TBC1D32: variants seen among roughly 807,000 people sequenced by gnomAD.
The protein encoded by TBC1D32 is protein broad-minded.
A neutral mutation model predicts 170.3 loss-of-function variants in TBC1D32; 151 were observed. That is an observed-to-expected ratio of 0.89 (90% CI 0.78 to 1.01). The LOEUF is 1.01. TBC1D32 is among the 50% of genes least tolerant of loss of function. The probability of loss-of-function intolerance (pLI) is 0.00; values close to 1 mark genes in which losing one functional copy is unlikely to be tolerated. For missense variants in TBC1D32, 1,464 were observed against 1,457.1 expected, an observed-to-expected ratio of 1.00 and a Z score of -0.08; for synonymous variants, 498 against 488.0, an observed-to-expected ratio of 1.02 and a Z score of -0.27.
At chr6:121,201,530 TAC>T (rs1791559841) in intron 22 of TBC1D32, among the ~76,000 whole-genome samples, 2 of 151,426 alleles carry the variant, frequency 1.3e-5, no homozygotes, top group African/African-American at 4.9e-5. Flanking sequence ...TGAAATGTTT[TAC>T]ACAATGTTTT....
intron 30 of TBC1D32, among the ~76,000 whole-genome samples, chr6:121,102,605 C>A (rs1778242350): frequency 6.6e-6 from 1 of 152,144 alleles, no homozygotes; most frequent in Non-Finnish European, 1.5e-5. Context: ...GGATTAAAGA[C>A]TTAAATGTTA....
chr6:121,080,985 A>G, intron 31 of TBC1D32, 95 bp from the exon 32 acceptor site: 1 of 1,452,576 alleles, frequency 6.9e-7, no homozygotes, highest in Non-Finnish European at 9.3e-7. Flanking sequence ...ATTTATTTTC[A>G]GCTATAGATG....
At chr6:121,159,797 T>C (rs998224246) in intron 24 of TBC1D32, among the ~76,000 whole-genome samples, 1 of 152,192 alleles carries the variant, frequency 6.6e-6, no homozygotes, top group East Asian at 1.9e-4. Flanking sequence ...CTTTGTATAC[T>C]TGGTCCATCA....
At chr6:121,197,361 C>T (rs935454593) in intron 22 of TBC1D32, among the ~76,000 whole-genome samples, 6 of 152,140 alleles carry the variant, frequency 3.9e-5, no homozygotes, top group African/African-American at 1.4e-4. Flanking sequence ...TCCTGAGGTA[C>T]TGAAGGCAAA....
intron 22 of TBC1D32, among the ~76,000 whole-genome samples, chr6:121,192,750 A>T (rs1329073936): frequency 1.3e-5 from 2 of 152,204 alleles, no homozygotes; most frequent in African/African-American, 4.8e-5. Context: ...TTGTAAACTC[A>T]GATGAAACTT....
intron 20 of TBC1D32, among the ~76,000 whole-genome samples, chr6:121,236,654 A>T (rs908598738): frequency 2.6e-5 from 4 of 152,102 alleles, no homozygotes; most frequent in African/African-American, 9.7e-5. Context: ...AAAAATCCTT[A>T]GTTTATACTG....
chr6:121,241,416 C>T (rs1279831788), intron 19 of TBC1D32, 49 bp downstream of exon 19: 1 of 1,495,892 alleles, frequency 6.7e-7, no homozygotes, highest in Non-Finnish European at 9.1e-7. Flanking sequence ...TTGGCTTGCT[C>T]ATTTTATCTT....
chr6:121,116,540 T>C (rs1244939065), intron 26 of TBC1D32, among the ~76,000 whole-genome samples: 1 of 152,198 alleles, frequency 6.6e-6, no homozygotes, highest in Non-Finnish European at 1.5e-5. Context: ...ACTAATGTTT[T>C]TTCTCTTCTG....
chr6:121,247,709 A>AC, intron 17 of TBC1D32, among the ~76,000 whole-genome samples: 1 of 149,170 alleles, frequency 6.7e-6, no homozygotes, highest in East Asian at 1.9e-4. Context: ...AAAAAAAAAA[A>AC]AAAAAAAAAG....
chr6:121,159,263 T>A (rs748041664), intron 24 of TBC1D32, among the ~76,000 whole-genome samples: 1 of 152,244 alleles, frequency 6.6e-6, no homozygotes, highest in Non-Finnish European at 1.5e-5. Flanking sequence ...TAAGAGTTCA[T>A]GACTCCACAA....
At chr6:121,279,288 G>C (rs764611736) in intron 14 of TBC1D32, 43 bp from the exon 15 acceptor site, 1 of 1,588,772 alleles carries the variant, frequency 6.3e-7, no homozygotes, top group Admixed American at 1.9e-5. Context: ...ATAATTTTAT[G>C]ACATGCTAAC....
chr6:121,254,407 C>A (rs1031321364), intron 17 of TBC1D32, among the ~76,000 whole-genome samples: 1 of 151,932 alleles, frequency 6.6e-6, no homozygotes, highest in Non-Finnish European at 1.5e-5. Flanking sequence ...GAAATCACTA[C>A]TGAAATTAAA....
chr6:121,159,619 C>T (rs1265034234), intron 24 of TBC1D32, among the ~76,000 whole-genome samples: 1 of 152,112 alleles, frequency 6.6e-6, no homozygotes, highest in Non-Finnish European at 1.5e-5. Context: ...TAACTCTACA[C>T]CTAGGCTACA....
At position 121,311,782 on chromosome 6, in the gene TBC1D32, T is replaced by C. The variant is rs531774299; in HGVS notation, c.496-935A>G. Among the ~76,000 whole-genome samples the C allele has an allele frequency of 4.0e-5, 6 of 149,412 alleles. No individual in the cohort carries two copies. The South Asian group carries it at 1.1e-3, about 26-fold the overall frequency. ...AGATTCTGGCAAGGCTGTGGAGAAATAGGAATGCTTTTACAGTTTTGGTGG... is the reference window on the plus strand; with the variant it reads ...AGATTCTGGCAAGGCTGTGGAGAAACAGGAATGCTTTTACAGTTTTGGTGG... On this transcript the variant is annotated intron_variant, in intron 3 of 31. Coordinates refer to ENST00000398212, the MANE Select transcript of TBC1D32 (RefSeq NM_152730.6).
chr6:121,314,097 T>C (rs1808606211), intron 3 of TBC1D32, among the ~76,000 whole-genome samples: 1 of 152,162 alleles, frequency 6.6e-6, no homozygotes, highest in Non-Finnish European at 1.5e-5. Context: ...AGAGCTCAGG[T>C]TGTTCCCAGG....
At position 121,207,036 on chromosome 6, in the gene TBC1D32, T is replaced by C. The variant is rs1211212667; in HGVS notation, c.2482-1873A>G. Among the ~76,000 whole-genome samples the C allele has an allele frequency of 3.3e-5, 5 of 152,296 alleles. No individual in the cohort carries two copies. In the East Asian group the frequency reaches 9.6e-4, roughly 29 times the overall value. ...TTGCCCTGGACATAGTGATGAAACT[T>C]GTTTACTATCTACCTATTCTACAAA... is the stretch of plus-strand genomic sequence containing the variant. On this transcript the variant is annotated intron_variant, in intron 21 of 31. Coordinates refer to ENST00000398212, the MANE Select transcript of TBC1D32 (RefSeq NM_152730.6).
At chr6:121,245,595 G>T (rs925943395) in intron 17 of TBC1D32, among the ~76,000 whole-genome samples, 2 of 152,074 alleles carry the variant, frequency 1.3e-5, no homozygotes, top group African/African-American at 4.8e-5. Context: ...TCTTGGAGAA[G>T]GGATCCTTGG....
chr6:121,195,662 C>T (rs1790628608), intron 22 of TBC1D32, among the ~76,000 whole-genome samples: 1 of 152,166 alleles, frequency 6.6e-6, no homozygotes, highest in South Asian at 2.1e-4. Context: ...ACCCTGCCTT[C>T]TCTCCCCCAG....
At chr6:121,084,023 T>C (rs1259457345) in intron 31 of TBC1D32, among the ~76,000 whole-genome samples, 3 of 152,102 alleles carry the variant, frequency 2.0e-5, no homozygotes, top group Non-Finnish European at 4.4e-5. Flanking sequence ...CTTGCCTTCA[T>C]TCCTATTTAA....
Sources: allele counts gnomAD v4.1 joint callset (sites outside exome capture counted in the v4.1 genomes callset), GRCh38; gene constraint gnomAD v4.1.1; transcripts MANE v1.5; gene names NCBI Gene and HGNC (gene_info 2026-07-23, HGNC 2026-07-21).